Variants in CSMD2 observed in about 807,000 individuals in gnomAD.
The protein encoded by CSMD2 is CUB and Sushi multiple domains 2.
A neutral mutation model predicts 398.5 loss-of-function variants in CSMD2; 130 were observed. The observed-to-expected ratio is 0.33, with a 90% CI of 0.28 to 0.38. The LOEUF is 0.38. CSMD2 is among the 10% of genes least tolerant of loss of function. The probability of loss-of-function intolerance (pLI) is 1.00; values close to 1 mark genes in which losing one functional copy is unlikely to be tolerated. For missense variants in CSMD2, 3,829 were observed against 4,764.9 expected (o/e 0.80, Z 5.78); for synonymous variants, 1,828 against 1,908.5 (o/e 0.96, Z 1.10).
At chr1:33,634,002 T>A (rs1642640984) in intron 31 of CSMD2, among the ~76,000 whole-genome samples, 1 of 152,152 alleles carries the variant, frequency 6.6e-6, no homozygotes, top group African/African-American at 2.4e-5. Flanking sequence ...TGCTGTGAGC[T>A]CCTTATCACT....
intron 56 of CSMD2, among the ~76,000 whole-genome samples, chr1:33,547,299 A>G (rs1657004518): frequency 6.6e-6 from 1 of 152,242 alleles, no homozygotes; most frequent in Non-Finnish European, 1.5e-5. Context: ...AACACATTTC[A>G]TGATACAGAA....
At chr1:34,114,037 G>A (rs542296913) in intron 1 of CSMD2, among the ~76,000 whole-genome samples, 1 of 152,220 alleles carries the variant, frequency 6.6e-6, no homozygotes, top group South Asian at 2.1e-4. Context: ...TCAATGCCTG[G>A]GGGCCATGGA....
upstream of CSMD2, chr1:34,165,320 G>A (rs1641788717): frequency 8.3e-7 from 1 of 1,199,808 alleles, no homozygotes; most frequent in Non-Finnish European, 1.0e-6. Context: ...CGCGCCGGGG[G>A]GCGGGAGGGG....
intron 13 of CSMD2, among the ~76,000 whole-genome samples, chr1:33,749,636 T>A (rs1054605746): frequency 6.6e-6 from 1 of 152,088 alleles, no homozygotes; most frequent in Non-Finnish European, 1.5e-5. Flanking sequence ...AAATTTCTGA[T>A]TGGTTTGCTC....
intron 1 of CSMD2, among the ~76,000 whole-genome samples, chr1:34,143,001 T>C (rs913541699): frequency 1.3e-5 from 2 of 152,196 alleles, no homozygotes; most frequent in African/African-American, 2.4e-5. Context: ...ATGTGGATGC[T>C]GTTATGTGGT....
At position 33,519,198 on chromosome 1, in the gene CSMD2, TC is replaced by T. The variant is rs1471001256; in HGVS notation, c.*53+266del. 2.0e-5 allele frequency among the ~76,000 whole-genome samples: 3 copies of T among 152,156 alleles called. No individual in the cohort carries two copies. The highest frequency in any genetic ancestry group is 4.4e-5 in the Non-Finnish European group (3 of 68,026). Reference sequence around the variant, plus strand: ...CCCCTTCTGAGCTGTGTGACCTTGCTCAAGTTAGTTTCTATGCAGCTCAGTT... The same window carrying T: ...CCCCTTCTGAGCTGTGTGACCTTGCTAAGTTAGTTTCTATGCAGCTCAGTT... On this transcript the variant is annotated intron_variant, in intron 70 of 70. Coordinates refer to ENST00000373381, the MANE Select transcript of CSMD2 (RefSeq NM_001281956.2). This position sits in a 1 kb window ranked among gnomAD's most constrained non-coding sequence, Gnocchi z 5.6.
intron 2 of CSMD2, among the ~76,000 whole-genome samples, chr1:34,080,141 AAG>A (rs952014697): frequency 4.8e-5 from 7 of 147,270 alleles, no homozygotes; most frequent in African/African-American, 1.9e-4. Context: ...AAAAAAAAAA[AAG>A]GAGAGAATAG....
At chr1:33,871,621 T>G (rs1453518162) in intron 5 of CSMD2, among the ~76,000 whole-genome samples, 1 of 152,092 alleles carries the variant, frequency 6.6e-6, no homozygotes, top group African/African-American at 2.4e-5. Context: ...TCTCTCTTCT[T>G]TTGTTTTGTT....
rs1641461177 is a variant in CSMD2 at position 33,617,361 on chromosome 1, C to T, written c.5946+138G>A. The T allele has an allele frequency of 1.5e-5, 10 of 669,448 alleles. No individual in the cohort carries two copies. The East Asian group carries it at 2.4e-4, about 16-fold the overall frequency. The allele number at this position is 669,448 out of a possible 1,614,324, so 41.5% of individuals were successfully genotyped here. A position where few individuals can be genotyped will look rare whatever the true frequency, so the allele number is the denominator to read the frequency against. The stretch of plus-strand genomic sequence containing the variant: ...GAGTTTATCTTTTGCATGAACAGCT[C>T]CAGGAGAGGATAATGGTACCCGGGG... On this transcript the variant is annotated intron_variant, in intron 38 of 70. Coordinates refer to ENST00000373381, the MANE Select transcript of CSMD2 (RefSeq NM_001281956.2).
intron 2 of CSMD2, among the ~76,000 whole-genome samples, chr1:34,046,538 T>C (rs1652533636): frequency 6.6e-6 from 1 of 152,158 alleles, no homozygotes; most frequent in Non-Finnish European, 1.5e-5. Flanking sequence ...TCCTGAATAA[T>C]AGACAAATAC....
At chr1:33,891,701 A>G (rs899085926) in intron 5 of CSMD2, among the ~76,000 whole-genome samples, 2 of 152,008 alleles carry the variant, frequency 1.3e-5, no homozygotes, top group Non-Finnish European at 2.9e-5. Flanking sequence ...CATATACACC[A>G]TGGAATACTA....
At chr1:33,891,280 C>CA (rs1379628034) in intron 5 of CSMD2, among the ~76,000 whole-genome samples, 2 of 151,132 alleles carry the variant, frequency 1.3e-5, no homozygotes, top group Admixed American at 6.6e-5. Flanking sequence ...TTTATGCAGC[C>CA]AAAAAACACA....
chr1:33,818,054 A>G (rs952308361), intron 9 of CSMD2, among the ~76,000 whole-genome samples: 11 of 152,230 alleles, frequency 7.2e-5, no homozygotes, highest in African/African-American at 2.4e-4. Flanking sequence ...GTAAACAATC[A>G]TCATCTCTTG....
chr1:33,846,830 G>T, intron 6 of CSMD2, 54 bp downstream of exon 6: 1 of 1,183,612 alleles, frequency 8.4e-7, no homozygotes, highest in Non-Finnish European at 1.2e-6. Flanking sequence ...GAGCCCTCCA[G>T]GTGTCATCTC....
At chr1:33,623,712 G>T (rs1386436622) in intron 35 of CSMD2, among the ~76,000 whole-genome samples, 4 of 152,242 alleles carry the variant, frequency 2.6e-5, no homozygotes, top group Non-Finnish European at 5.9e-5. Flanking sequence ...GCAAGGCAGA[G>T]AATGGGGAAA....
intron 4 of CSMD2, among the ~76,000 whole-genome samples, chr1:33,922,878 T>C (rs1459471984): frequency 6.6e-6 from 1 of 152,210 alleles, no homozygotes; most frequent in South Asian, 2.1e-4. Flanking sequence ...CCAAGCCTCC[T>C]TCCTCCTCCA....
chr1:34,011,831 T>C (rs539173968), intron 3 of CSMD2, among the ~76,000 whole-genome samples: 1 of 152,268 alleles, frequency 6.6e-6, no homozygotes, highest in South Asian at 2.1e-4. Flanking sequence ...ATGATAATGA[T>C]TTTTTCAACC....
intron 13 of CSMD2, 130 bp downstream of exon 13, chr1:33,772,439 T>G: frequency 1.3e-6 from 1 of 767,146 alleles, no homozygotes; most frequent in African/African-American, 1.7e-5. Context: ...AGGAGTAGAA[T>G]AAACCAACCA....
In CSMD2 at chr1:33,521,452, G is replaced by A. The variant is rs1654280553; in HGVS notation, c.10597+11C>T. 4.8e-6 allele frequency: 6 copies of A among 1,244,570 alleles called. No individual in the cohort carries two copies. In the Admixed American group the frequency reaches 5.2e-5, roughly 11 times the overall value. The allele number at this position is 1,244,570 out of a possible 1,614,324, so 77.1% of individuals were successfully genotyped here. A position where few individuals can be genotyped will look rare whatever the true frequency, so the allele number is the denominator to read the frequency against. On this transcript the variant is annotated intron_variant, in intron 68 of 70. Coordinates refer to ENST00000373381, the MANE Select transcript of CSMD2 (RefSeq NM_001281956.2). The stretch of plus-strand genomic sequence containing the variant: ...CCGGGCCCACACTTCCGGGGGACAA[G>A]CACTAGTTACCCAGTCTTTGAAAGC...
Sources: gnomAD v4.1 joint callset for allele counts (sites outside exome capture counted in the v4.1 genomes callset) on GRCh38, gnomAD v4.1.1 for gene constraint, Gnocchi (gnomAD v3.1) non-coding constraint, MANE v1.5 for transcripts, NCBI Gene and HGNC (gene_info 2026-07-23, HGNC 2026-07-21) for gene names.